The following ZNF704 variants were observed in gnomAD, a reference collection of about 807,000 sequenced individuals.
ZNF704 encodes zinc finger protein 704.
ZNF704 carries 10 observed loss-of-function variants against 44.7 expected under a neutral mutation model. The ratio of observed to expected loss-of-function variants is 0.22; its 90% CI spans 0.14 to 0.38. The LOEUF is 0.38. Among genes scored for constraint, ZNF704 ranks in the 10% least tolerant of loss-of-function variants. ZNF704 has a pLI of 1.00. For missense variants in ZNF704, 390 were observed against 545.5 expected (o/e 0.71, Z 2.84); for synonymous variants, 211 against 207.6 (o/e 1.02, Z -0.14).
At chr8:80,681,549 G>T (rs1435780600) in intron 4 of ZNF704, among the ~76,000 whole-genome samples, 1 of 152,008 alleles carries the variant, frequency 6.6e-6, no homozygotes. Flanking sequence ...TAGAGTGGTG[G>T]TTACTCAGGT....
chr8:80,738,944 A>T (rs1806710273), intron 2 of ZNF704, among the ~76,000 whole-genome samples: 2 of 152,198 alleles, frequency 1.3e-5, no homozygotes, highest in Non-Finnish European at 2.9e-5. Flanking sequence ...GACAGGGCTC[A>T]CACCAGCATG....
At position 80,640,251 on chromosome 8, in the gene ZNF704, T is replaced by C. The variant is rs555802234; in HGVS notation, c.*1115A>G. 3 of 152,650 alleles carry C rather than the reference T, an allele frequency of 2.0e-5. No individual in the cohort carries two copies. The highest frequency in any genetic ancestry group is 4.4e-5 in the Non-Finnish European group (3 of 68,038). 9.5% of individuals were successfully genotyped at this position (152,650 alleles called of 1,614,324 possible). ...CTCATCTCCCGGACATGCTAAAGCA[T>C]AAAACCTATAAAAGTGCACTCAGAA... On this transcript the variant is annotated 3_prime_UTR_variant, in exon 9 of 9. Transcript: ENST00000327835.
intron 2 of ZNF704, among the ~76,000 whole-genome samples, chr8:80,741,697 G>A (rs905937309): frequency 2.0e-5 from 3 of 152,196 alleles, no homozygotes; most frequent in Non-Finnish European, 4.4e-5. Context: ...ATGAAGAAAA[G>A]ATAGAACATA....
At chr8:80,702,947 TAAGG>T (rs1272016941) in intron 2 of ZNF704, among the ~76,000 whole-genome samples, 2 of 152,008 alleles carry the variant, frequency 1.3e-5, no homozygotes, top group Non-Finnish European at 2.9e-5. Flanking sequence ...TCAGCAGAGT[TAAGG>T]AAGCGGGAGG....
At chr8:80,868,241 G>A (rs2130065682) in intron 1 of ZNF704, among the ~76,000 whole-genome samples, 1 of 152,284 alleles carries the variant, frequency 6.6e-6, no homozygotes, top group Middle Eastern at 3.4e-3. Context: ...AGGGGTTTGT[G>A]TGTTCAGGAC....
At chr8:80,691,553 A>G (rs1818636138) in intron 3 of ZNF704, among the ~76,000 whole-genome samples, 1 of 152,056 alleles carries the variant, frequency 6.6e-6, no homozygotes, top group African/African-American at 2.4e-5. Flanking sequence ...CCCACTGCCA[A>G]TCCCTTGCAT....
intron 4 of ZNF704, among the ~76,000 whole-genome samples, chr8:80,685,859 C>T (rs1818526104): frequency 6.6e-6 from 1 of 152,136 alleles, no homozygotes; most frequent in Non-Finnish European, 1.5e-5. Context: ...TCTTTGTTTT[C>T]CTCTTTGAAA....
Position 80,704,022 on chromosome 8 carries a change from G to C in ZNF704, c.222-10915C>G, listed in dbSNP as rs116088098. ...TAGGATTTTTTTTTTCCTTTTTACT[G>C]GCCCTAAAAATTGTTGGCTTATCTA... On this transcript the variant is annotated intron_variant, in intron 2 of 8. Transcript: ENST00000327835. 4.3e-3 allele frequency among the ~76,000 whole-genome samples: 648 copies of C among 151,346 alleles called. 3 individuals are homozygous for C. The highest frequency in any genetic ancestry group is 0.015 in the African/African-American group (629 of 41,236).
At chr8:80,714,718 T>C (rs1819044930) in intron 2 of ZNF704, among the ~76,000 whole-genome samples, 1 of 152,210 alleles carries the variant, frequency 6.6e-6, no homozygotes, top group African/African-American at 2.4e-5. Context: ...TCTATTTGAC[T>C]GATAAGTCAC....
At chr8:80,655,404 T>C (rs1469797385) in intron 7 of ZNF704, among the ~76,000 whole-genome samples, 1 of 152,020 alleles carries the variant, frequency 6.6e-6, no homozygotes, top group Non-Finnish European at 1.5e-5. Context: ...TAAATTATAG[T>C]CTGTAAAAAT....
chr8:80,846,204 C>T (rs1199029), intron 1 of ZNF704, among the ~76,000 whole-genome samples: 1,893 of 152,294 alleles, frequency 0.012, 13 homozygotes, highest in Non-Finnish European at 0.022. Context: ...AATTCATTGA[C>T]TAATGACTTG....
intron 6 of ZNF704, among the ~76,000 whole-genome samples, chr8:80,660,314 TA>T (rs1334268005): frequency 6.6e-6 from 1 of 151,508 alleles, no homozygotes; most frequent in Non-Finnish European, 1.5e-5. Context: ...CTACTAAAAT[TA>T]AAAAAAATTA....
At chr8:80,800,629 C>A (rs190772621) in intron 2 of ZNF704, among the ~76,000 whole-genome samples, 2 of 152,222 alleles carry the variant, frequency 1.3e-5, no homozygotes, top group African/African-American at 4.8e-5. Flanking sequence ...TTCATCACCA[C>A]CAGGCCTGCC....
intron 5 of ZNF704, among the ~76,000 whole-genome samples, chr8:80,668,935 C>T (rs369741068): frequency 1.6e-4 from 25 of 152,274 alleles, no homozygotes; most frequent in African/African-American, 5.5e-4. Context: ...AACCCAGGCC[C>T]ATTCCTGTAC....
intron 2 of ZNF704, among the ~76,000 whole-genome samples, chr8:80,704,929 A>T (rs1818872249): frequency 6.6e-6 from 1 of 152,236 alleles, no homozygotes; most frequent in Non-Finnish European, 1.5e-5. Context: ...CCTGATTTAT[A>T]GCCAGTTGGT....
intron 2 of ZNF704, among the ~76,000 whole-genome samples, chr8:80,726,329 TTCC>T (rs1563532360): frequency 6.6e-6 from 1 of 152,158 alleles, no homozygotes; most frequent in Non-Finnish European, 1.5e-5. Flanking sequence ...TATTTAGAAA[TTCC>T]TTTTTTAAAA....
rs1324743312 is a variant in ZNF704 at position 80,693,085 on chromosome 8, T to C, written c.244A>G (p.Met82Val). 1.9e-6 allele frequency: 3 copies of C among 1,614,194 alleles called. No individual in the cohort carries two copies. The highest frequency in any genetic ancestry group is 1.1e-5 in the South Asian group (1 of 91,084). The change falls in exon 3 of 9, where the codon ATG becomes GTG. Residue 82 changes from methionine to valine, a missense_variant. Physicochemically the swap from Met to Val is conservative, Grantham distance 21. Around this residue, in one of 3 missense-constraint regions of ZNF704, gnomAD observed 5 missense variants for 26.1 expected, o/e 0.19. Coordinates refer to ENST00000327835, the MANE Select transcript of ZNF704 (RefSeq NM_001033723.3). ...PARKSSEELD[M>V]DKVTAAMVLT... is the part of the protein sequence containing the mutation. ...ACCATTGCTGCTGTCACCTTGTCCA[T>C]GTCTAGTTCCTCTGAAGATTTCCTG...
intron 8 of ZNF704, 145 bp downstream of exon 8, chr8:80,642,889 TA>T: frequency 2.1e-6 from 1 of 478,216 alleles, no homozygotes; most frequent in Non-Finnish European, 3.6e-6. Context: ...TAATGGATGG[TA>T]AAAACCATGG....
intron 8 of ZNF704, among the ~76,000 whole-genome samples, chr8:80,642,443 G>C (rs1358363091): frequency 6.6e-6 from 1 of 152,162 alleles, no homozygotes; most frequent in Non-Finnish European, 1.5e-5. Context: ...TAATGGGCGA[G>C]TAGTGTAGAC....
Sources: allele counts gnomAD v4.1 joint callset (sites outside exome capture counted in the v4.1 genomes callset), GRCh38; gene constraint gnomAD v4.1.1; regional missense constraint gnomAD v4.1.1; transcripts MANE v1.5; gene names NCBI Gene and HGNC (gene_info 2026-07-23, HGNC 2026-07-21).